Variants in CD300LF observed in about 807,000 individuals in gnomAD.
The protein encoded by CD300LF is CD300 molecule like family member f, also known as CMRF35-like molecule 1.
In CD300LF, 27 loss-of-function variants were observed where a neutral mutation model predicts 32.2. The ratio of observed to expected loss-of-function variants is 0.84; its 90% CI spans 0.62 to 1.15. The LOEUF (loss-of-function observed/expected upper bound fraction) is 1.15. CD300LF is among the 50% of genes most tolerant of loss of function. The pLI is 0.00. For synonymous variants in CD300LF, 139 were observed against 143.2 expected, an observed-to-expected ratio of 0.97 and a Z score of 0.21; for missense variants, 348 against 356.8, an observed-to-expected ratio of 0.98 and a Z score of 0.20.
At chr17:74,698,651 G>A in intron 3 of CD300LF, 170 bp from the exon 4 acceptor site, 1 of 1,457,964 alleles carries the variant, frequency 6.9e-7, no homozygotes. Flanking sequence ...GGTTTACAAT[G>A]AGTACACATA....
intron 1 of CD300LF, among the ~76,000 whole-genome samples, chr17:74,706,345 T>G (rs1162589016): frequency 1.4e-5 from 2 of 144,112 alleles, no homozygotes; most frequent in Non-Finnish European, 3.1e-5. Context: ...TGCCTGGCCT[T>G]TTTTTTTTTT....
At chr17:74,695,374 CT>C in intron 6 of CD300LF, 123 bp from the exon 7 acceptor site, 1 of 1,177,544 alleles carries the variant, frequency 8.5e-7, no homozygotes, top group Non-Finnish European at 1.2e-6. Context: ...CACTCAAGCC[CT>C]CCAGCTTCCC....
intron 1 of CD300LF, among the ~76,000 whole-genome samples, chr17:74,710,875 A>G (rs2143926020): frequency 6.6e-6 from 1 of 151,808 alleles, no homozygotes; most frequent in African/African-American, 2.4e-5. Flanking sequence ...TCAAAAAAAA[A>G]AACAAAAAAT....
At chr17:74,696,439 C>T (rs1260109800) in intron 4 of CD300LF, among the ~76,000 whole-genome samples, 1 of 152,104 alleles carries the variant, frequency 6.6e-6, no homozygotes, top group African/African-American at 2.4e-5. Context: ...AGAGGGACAC[C>T]CCAGCCCCCT....
chr17:74,698,651 G>T, intron 3 of CD300LF, 170 bp from the exon 4 acceptor site: 1 of 1,457,962 alleles, frequency 6.9e-7, no homozygotes, highest in Non-Finnish European at 9.0e-7. Context: ...GGTTTACAAT[G>T]AGTACACATA....
Position 74,695,234 on chromosome 17 carries a change from C to T in CD300LF, c.735G>A (p.Glu245=). ...EYVTMASLPK[E]DISYASLTLG... ...AGGTCAGAGATGCATAGGAAATGTC[C>T]TCCTTCGGCAAGGAAGCCTGCAGCA... is the stretch of plus-strand genomic sequence containing the variant. The change falls in exon 7 of 7, where the codon GAG becomes GAA. Residue 245 remains glutamate, a synonymous_variant. Coordinates refer to ENST00000326165, the MANE Select transcript of CD300LF (RefSeq NM_139018.5). The T allele has an allele frequency of 1.9e-6, 3 of 1,614,082 alleles. No homozygotes were observed. The highest frequency in any genetic ancestry group is 2.5e-6 in the Non-Finnish European group (3 of 1,179,988).
chr17:74,697,001 G>T (rs1470153202), intron 4 of CD300LF, among the ~76,000 whole-genome samples: 1 of 152,126 alleles, frequency 6.6e-6, no homozygotes, highest in Admixed American at 6.5e-5. Context: ...GAGGGCAATG[G>T]CACCATCTTG....
chr17:74,705,659 A>G (rs572563541), intron 1 of CD300LF, among the ~76,000 whole-genome samples: 12 of 152,166 alleles, frequency 7.9e-5, no homozygotes, highest in African/African-American at 2.9e-4. Flanking sequence ...TCATGGCTCA[A>G]TCATGGCTCA....
At chr17:74,704,286 G>A in intron 2 of CD300LF, 192 bp downstream of exon 2, 1 of 592,844 alleles carries the variant, frequency 1.7e-6, no homozygotes, top group Non-Finnish European at 3.0e-6. Flanking sequence ...GTCGTGGAGG[G>A]AGCCCTGGGA....
At chr17:74,708,179 G>T (rs1337798392) in intron 1 of CD300LF, among the ~76,000 whole-genome samples, 1 of 147,348 alleles carries the variant, frequency 6.8e-6, no homozygotes, top group East Asian at 2.0e-4. Context: ...GAAAAAGAAA[G>T]AAAAGAAAAA....
chr17:74,701,431 G>A (rs573412119), intron 3 of CD300LF, among the ~76,000 whole-genome samples: 7 of 152,074 alleles, frequency 4.6e-5, no homozygotes, highest in African/African-American at 1.7e-4. Flanking sequence ...GGCCCTAATC[G>A]GGCACTTACA....
intron 5 of CD300LF, 43 bp downstream of exon 5, chr17:74,696,152 A>C: frequency 6.3e-7 from 1 of 1,580,242 alleles, no homozygotes; most frequent in Non-Finnish European, 8.6e-7. Context: ...AAGGGGAAAG[A>C]AGCTGCCTGG....
chr17:74,704,339 G>C, intron 2 of CD300LF, 139 bp downstream of exon 2: 2 of 659,190 alleles, frequency 3.0e-6, no homozygotes, highest in South Asian at 3.8e-5. Flanking sequence ...CCCAGTCCCA[G>C]GTGGTCAGTC....
At position 74,703,021 on chromosome 17, in the gene CD300LF, C is replaced by A. The variant is rs1567790598; in HGVS notation, c.446+14G>T. 6.2e-7 allele frequency: 1 copy of A among 1,607,428 alleles called. No homozygotes were observed. ...TGGGCCAAGTAGGCCACAGTGGAAC[C>A]AGAGCTGGCTTACCTGTTGTCCAAG... is the stretch of plus-strand genomic sequence containing the variant. On this transcript the variant is annotated intron_variant, in intron 3 of 6. Coordinates refer to ENST00000326165, the MANE Select transcript of CD300LF (RefSeq NM_139018.5).
chr17:74,708,413 T>A (rs1256538191), intron 1 of CD300LF, among the ~76,000 whole-genome samples: 1 of 152,030 alleles, frequency 6.6e-6, no homozygotes, highest in African/African-American at 2.4e-5. Context: ...AAATCCCAAA[T>A]CCATTTCACG....
chr17:74,705,177 AG>A (rs2033405844), intron 1 of CD300LF: 1 of 695,542 alleles, frequency 1.4e-6, no homozygotes, highest in African/African-American at 1.7e-5. Flanking sequence ...AGGAAATACC[AG>A]GAGACCCCTT....
intron 1 of CD300LF, among the ~76,000 whole-genome samples, chr17:74,710,877 A>C (rs2033907560): frequency 6.6e-6 from 1 of 151,710 alleles, no homozygotes; most frequent in African/African-American, 2.4e-5. Context: ...AAAAAAAAAA[A>C]CAAAAAATCT....
intron 1 of CD300LF, among the ~76,000 whole-genome samples, chr17:74,711,785 C>T (rs1291060788): frequency 6.6e-6 from 1 of 152,172 alleles, no homozygotes; most frequent in African/African-American, 2.4e-5. Context: ...TTACAGCATC[C>T]CCCTACCTGG....
intron 1 of CD300LF, among the ~76,000 whole-genome samples, chr17:74,706,323 T>C (rs1353978860): frequency 6.7e-6 from 1 of 148,296 alleles, no homozygotes; most frequent in Non-Finnish European, 1.5e-5. Context: ...CGATTATAGG[T>C]GTGAGCAACT....
Sources: allele counts gnomAD v4.1 joint callset (sites outside exome capture counted in the v4.1 genomes callset), GRCh38; gene constraint gnomAD v4.1.1; transcripts MANE v1.5; gene names NCBI Gene and HGNC (gene_info 2026-07-23, HGNC 2026-07-21).